Variants in CCNT1 observed in about 807,000 individuals in gnomAD.
CCNT1 encodes the protein cyclin-T1.
Under a neutral mutation model 67.3 loss-of-function variants are expected in CCNT1, and 18 were observed. The ratio of observed to expected loss-of-function variants is 0.27; its 90% CI spans 0.18 to 0.40. The LOEUF is 0.40. Among genes scored for constraint, CCNT1 ranks in the 10% least tolerant of loss-of-function variants. The probability of loss-of-function intolerance (pLI) is 1.00; values close to 1 mark genes in which losing one functional copy is unlikely to be tolerated. For synonymous variants in CCNT1, 333 were observed against 310.3 expected (o/e 1.07, Z -0.77); for missense variants, 744 against 884.9 (o/e 0.84, Z 2.02).
intron 1 of CCNT1, among the ~76,000 whole-genome samples, 190 bp from the exon 2 acceptor site, chr12:48,714,714 A>T (rs982072932): frequency 1.3e-5 from 2 of 152,270 alleles, no homozygotes; most frequent in Admixed American, 6.5e-5. Context: ...ACTGACACTT[A>T]GCACAATGCC....
In CCNT1 at chr12:48,708,850, T is replaced by C. The variant is rs532689379; in HGVS notation, c.244-2954A>G. 1.7e-4 allele frequency among the ~76,000 whole-genome samples: 26 copies of C among 152,344 alleles called. 1 individual carries two copies. The highest frequency in any genetic ancestry group is 1.3e-3 in the Admixed American group (20 of 15,292). On this transcript the variant is annotated intron_variant, in intron 2 of 8. Coordinates refer to ENST00000261900, the MANE Select transcript of CCNT1 (RefSeq NM_001240.4). Reference sequence around the variant, plus strand: ...GCTGGGTGCAGACTCTTGCCTATAATCCTAGCACTTTGGGAGGCCAAGGCA... The same window carrying C: ...GCTGGGTGCAGACTCTTGCCTATAACCCTAGCACTTTGGGAGGCCAAGGCA...
Position 48,699,848 on chromosome 12 carries a change from G to C in CCNT1, c.434-8C>G. 6.4e-7 allele frequency: 1 copy of C among 1,561,564 alleles called. No individual in the cohort carries two copies. Among genetic ancestry groups the C allele is most frequent in the Non-Finnish European group, 8.8e-7 (1 of 1,139,148 alleles). ...CAATTGTTAGTTCAAAGCCTTAAAA[G>C]AAAAAGTAATGGATTAAAAAACTAT... On this transcript the variant is annotated splice_polypyrimidine_tract_variant and splice_region_variant and intron_variant, in intron 4 of 8. Transcript: ENST00000261900.
rs373994424 is a variant in CCNT1 at position 48,707,224 on chromosome 12, A to G, written c.244-1328T>C. Among the ~76,000 whole-genome samples the G allele has an allele frequency of 4.6e-5, 7 of 152,276 alleles. No individual in the cohort carries two copies. The East Asian group carries it at 1.3e-3, about 29-fold the overall frequency. ...GATCTAGGCGTAAAGCACATTTTCA[A>G]TACTAAACTGAGTAGTTAAATACAT... On this transcript the variant is annotated intron_variant, in intron 2 of 8. Transcript: ENST00000261900.
At chr12:48,716,080 C>T (rs916514603) in intron 1 of CCNT1, among the ~76,000 whole-genome samples, 14 of 152,188 alleles carry the variant, frequency 9.2e-5, no homozygotes, top group Admixed American at 9.2e-4. Flanking sequence ...AATTCTAGTC[C>T]ACCCTTTATA....
chr12:48,704,880 A>G (rs888997888), intron 3 of CCNT1, among the ~76,000 whole-genome samples: 2 of 152,190 alleles, frequency 1.3e-5, no homozygotes, highest in African/African-American at 4.8e-5. Context: ...TTCATTATGT[A>G]TAACAATGTA....
chr12:48,704,993 A>C (rs1940332804), intron 3 of CCNT1, among the ~76,000 whole-genome samples: 1 of 152,190 alleles, frequency 6.6e-6, no homozygotes, highest in Non-Finnish European at 1.5e-5. Context: ...TCTCCCATGA[A>C]ACCAGTCCCA....
rs1299648122 is a variant in CCNT1, at chr12:48,716,705, G to A, written c.-30C>T. On this transcript the variant is annotated 5_prime_UTR_variant, in exon 1 of 9. Transcript: ENST00000261900. ...CTTCAACCAGAAGGCAGCGGCGAAG[G>A]CTGCAGGCACTTCCCAGCGTCACCT... 2.5e-6 allele frequency: 4 copies of A among 1,606,368 alleles called. No individual in the cohort carries two copies. In the African/African-American group the frequency reaches 4.0e-5, roughly 16 times the overall value.
rs565307133 is a variant in CCNT1 at position 48,691,789 on chromosome 12, T to G, written c.*1244A>C. The stretch of plus-strand genomic sequence containing the variant: ...CTCAAGTCATATAGGCTGCAAAAAC[T>G]TGAGGATGTAGCTGTTTCCCTTCGG... On this transcript the variant is annotated 3_prime_UTR_variant, in exon 9 of 9. Coordinates refer to ENST00000261900, the MANE Select transcript of CCNT1 (RefSeq NM_001240.4). 1 of 152,188 alleles carries G rather than the reference T, an allele frequency of 6.6e-6. No homozygotes were observed. The highest frequency in any genetic ancestry group is 1.5e-5 in the Non-Finnish European group (1 of 68,022). The allele number at this position is 152,188 out of a possible 1,614,324, so 9.4% of individuals were successfully genotyped here.
At chr12:48,714,243 T>C (rs949000757) in intron 2 of CCNT1, among the ~76,000 whole-genome samples, 200 bp downstream of exon 2, 5 of 152,102 alleles carry the variant, frequency 3.3e-5, no homozygotes, top group Admixed American at 2.6e-4. Context: ...ATGGATATAC[T>C]AAATCCACTA....
intron 3 of CCNT1, among the ~76,000 whole-genome samples, chr12:48,704,542 G>A (rs1470624310): frequency 6.6e-6 from 1 of 152,198 alleles, no homozygotes; most frequent in Non-Finnish European, 1.5e-5. Flanking sequence ...CGGGCACAGT[G>A]GCTCATGCCT....
At chr12:48,711,918 G>A (rs753541801) in intron 2 of CCNT1, among the ~76,000 whole-genome samples, 6 of 152,056 alleles carry the variant, frequency 3.9e-5, no homozygotes, top group African/African-American at 1.4e-4. Flanking sequence ...TCAGCCTCCC[G>A]AGTAGCTGGG....
Position 48,690,829 on chromosome 12 carries a change from T to A in CCNT1, c.*2204A>T, listed in dbSNP as rs902172458. Reference sequence around the variant, plus strand: ...TGATTAGAAAATATGTGACATTTGATGAGAGTAACTAAAAGCTGGAAAAGA... The same window carrying A: ...TGATTAGAAAATATGTGACATTTGAAGAGAGTAACTAAAAGCTGGAAAAGA... On this transcript the variant is annotated 3_prime_UTR_variant, in exon 9 of 9. Coordinates refer to ENST00000261900, the MANE Select transcript of CCNT1 (RefSeq NM_001240.4). 5 of 152,154 alleles carry A rather than the reference T, an allele frequency of 3.3e-5. No individual in the cohort carries two copies. Among genetic ancestry groups the A allele is most frequent in the Admixed American group, 3.3e-4 (5 of 15,284 alleles). The allele number at this position is 152,154 out of a possible 1,614,324, so 9.4% of individuals were successfully genotyped here.
chr12:48,692,795 C>A lies in CCNT1; in HGVS notation c.*238G>T. The A allele has an allele frequency of 4.9e-6, 2 of 408,934 alleles. No homozygotes were observed. The highest frequency in any genetic ancestry group is 4.4e-6 in the Non-Finnish European group (1 of 228,006). The allele number at this position is 408,934 out of a possible 1,614,324, so 25.3% of individuals were successfully genotyped here. A position where few individuals can be genotyped will look rare whatever the true frequency, so the allele number is the denominator to read the frequency against. ...AAGAATTCAGAATGTGTCCTTAATC[C>A]TTCACAGCTTCAACACCTCTCTAAT... On this transcript the variant is annotated 3_prime_UTR_variant, in exon 9 of 9. Transcript: ENST00000261900.
rs1296559669 is a variant in CCNT1, at chr12:48,691,640, T to A, written c.*1393A>T. The A allele has an allele frequency of 6.6e-6, 1 of 152,150 alleles. No homozygotes were observed. The highest frequency in any genetic ancestry group is 1.5e-5 in the Non-Finnish European group (1 of 68,036). The allele number at this position is 152,150 out of a possible 1,614,324, so 9.4% of individuals were successfully genotyped here. A position where few individuals can be genotyped will look rare whatever the true frequency, so the allele number is the denominator to read the frequency against. ...CCTATTTTTATAAAGGACTTAGAAATCTTAAGAACCTCGATCAAGAACCTA... is the reference window on the plus strand; with the variant it reads ...CCTATTTTTATAAAGGACTTAGAAAACTTAAGAACCTCGATCAAGAACCTA... On this transcript the variant is annotated 3_prime_UTR_variant, in exon 9 of 9. Coordinates refer to ENST00000261900, the MANE Select transcript of CCNT1 (RefSeq NM_001240.4).
intron 3 of CCNT1, among the ~76,000 whole-genome samples, chr12:48,701,441 T>C (rs558568224): frequency 2.6e-5 from 4 of 151,608 alleles, no homozygotes; most frequent in Non-Finnish European, 5.9e-5. Context: ...TCAGTACACA[T>C]TTTCTTTAAA....
chr12:48,707,102 T>C (rs1032907168), intron 2 of CCNT1, among the ~76,000 whole-genome samples: 10 of 152,146 alleles, frequency 6.6e-5, no homozygotes, highest in Admixed American at 5.9e-4. Flanking sequence ...TTCACATTTG[T>C]TTCAGATGAA....
intron 3 of CCNT1, among the ~76,000 whole-genome samples, chr12:48,703,140 T>C (rs113447443): frequency 0.02 from 3,065 of 151,488 alleles, 109 homozygotes; most frequent in African/African-American, 0.071. Context: ...GGTGGCCGGG[T>C]GCAGTGGCTC....
At chr12:48,704,437 C>T (rs1034741652) in intron 3 of CCNT1, among the ~76,000 whole-genome samples, 1 of 152,140 alleles carries the variant, frequency 6.6e-6, no homozygotes, top group African/African-American at 2.4e-5. Flanking sequence ...TAATTTGCTG[C>T]TCTTTATGAG....
chr12:48,696,026 C>T lies in CCNT1; in HGVS notation c.679G>A (p.Ala227Thr). ...DGKHWWEYVD[A>T]TVTLELLDEL... ...TCTAAAAGTTCCAAGGTCACAGTGG[C>T]GTCAACATACTCCCACCAGTGCTTC... The change falls in exon 7 of 9, where the codon GCC (alanine) becomes ACC (threonine). Residue 227 changes from alanine to threonine, a missense_variant. Ala to Thr is a moderately conservative substitution (Grantham distance 58, BLOSUM62 0). This residue lies in a region of CCNT1 where 142 missense variants were observed against 277.0 expected (regional missense o/e 0.51). Transcript: ENST00000261900. The T allele has an allele frequency of 6.2e-7, 1 of 1,614,000 alleles. No individual in the cohort carries two copies. Among genetic ancestry groups the T allele is most frequent in the Non-Finnish European group, 8.5e-7 (1 of 1,179,984 alleles).
Sources: allele counts gnomAD v4.1 joint callset (sites outside exome capture counted in the v4.1 genomes callset), GRCh38; gene constraint gnomAD v4.1.1; regional missense constraint gnomAD v4.1.1; transcripts MANE v1.5; gene names NCBI Gene and HGNC (gene_info 2026-07-23, HGNC 2026-07-21).